Variants in CACNA2D3 observed in about 807,000 individuals in gnomAD.
CACNA2D3 encodes voltage-dependent calcium channel subunit alpha-2/delta-3.
Under a neutral mutation model 160.6 loss-of-function variants are expected in CACNA2D3, and 60 were observed. The observed-to-expected ratio is 0.37, with a 90% CI of 0.30 to 0.46. CACNA2D3 has a LOEUF of 0.46. CACNA2D3 is among the 20% of genes least tolerant of loss of function. The pLI is 1.00. For synonymous variants in CACNA2D3, 558 were observed against 492.9 expected (o/e 1.13, Z -1.75); for missense variants, 1,205 against 1,365.0 (o/e 0.88, Z 1.85).
rs190499173 is a variant in CACNA2D3 at position 54,616,669 on chromosome 3, G to T, written c.964-11118G>T. ...TCAGGATATTGATAAAACAAGATTG[G>T]CTGTGAGTTGATCATTAAAATTTTC... is the stretch of plus-strand genomic sequence containing the variant. On this transcript the variant is annotated intron_variant, in intron 9 of 37. Coordinates refer to ENST00000474759, the MANE Select transcript of CACNA2D3 (RefSeq NM_018398.3). Among the ~76,000 whole-genome samples, 4 of 152,294 alleles carry T rather than the reference G, an allele frequency of 2.6e-5. No homozygotes were observed. The East Asian group carries it at 5.8e-4, about 22-fold the overall frequency.
intron 35 of CACNA2D3, among the ~76,000 whole-genome samples, chr3:55,072,016 G>C (rs965788967): frequency 1.3e-5 from 2 of 152,206 alleles, no homozygotes; most frequent in Non-Finnish European, 2.9e-5. Context: ...CCAACTGCTG[G>C]AGTAACATTC....
chr3:54,805,403 A>G (rs1416152031), intron 13 of CACNA2D3, among the ~76,000 whole-genome samples: 1 of 152,038 alleles, frequency 6.6e-6, no homozygotes, highest in Non-Finnish European at 1.5e-5. Context: ...ACAAACTACC[A>G]TCAGAGAATA....
intron 11 of CACNA2D3, among the ~76,000 whole-genome samples, chr3:54,687,578 G>T (rs539798940): frequency 6.6e-6 from 1 of 152,200 alleles, no homozygotes; most frequent in Non-Finnish European, 1.5e-5. Context: ...CAAAAGTTTT[G>T]AAATAGACTA....
At chr3:55,031,192 G>C (rs543834178) in intron 35 of CACNA2D3, among the ~76,000 whole-genome samples, 2 of 152,316 alleles carry the variant, frequency 1.3e-5, no homozygotes, top group South Asian at 4.1e-4. Context: ...CATTTCTGCG[G>C]TGCATTGTCT....
intron 16 of CACNA2D3, among the ~76,000 whole-genome samples, chr3:54,840,938 G>A (rs1346022773): frequency 6.6e-6 from 1 of 151,210 alleles, no homozygotes; most frequent in Non-Finnish European, 1.5e-5. Context: ...TAGCCAGGAT[G>A]GTCTCGACCT....
chr3:55,050,815 T>C (rs1333776243), intron 35 of CACNA2D3, among the ~76,000 whole-genome samples: 1 of 130,788 alleles, frequency 7.6e-6, no homozygotes, highest in Non-Finnish European at 1.6e-5. Context: ...TTTTATTCTC[T>C]TTTCTCTAAA....
At chr3:54,404,683 G>A (rs1699538836) in intron 4 of CACNA2D3, among the ~76,000 whole-genome samples, 1 of 152,176 alleles carries the variant, frequency 6.6e-6, no homozygotes, top group South Asian at 2.1e-4. Context: ...AACAAAAGAA[G>A]TAAAATTATC....
At chr3:54,263,174 T>G (rs542022525) in intron 2 of CACNA2D3, among the ~76,000 whole-genome samples, 1 of 152,346 alleles carries the variant, frequency 6.6e-6, no homozygotes, top group African/African-American at 2.4e-5. Flanking sequence ...TAATACCTTT[T>G]TTATTAGTTT....
chr3:54,124,552 A>G (rs184226595), intron 2 of CACNA2D3, among the ~76,000 whole-genome samples: 4 of 152,312 alleles, frequency 2.6e-5, no homozygotes, highest in East Asian at 1.9e-4. Flanking sequence ...TTAAAATATG[A>G]TTTTTGGGCC....
At chr3:54,197,427 C>G (rs949593619) in intron 2 of CACNA2D3, 4 of 152,222 alleles carry the variant, frequency 2.6e-5, no homozygotes, top group Admixed American at 2.6e-4. Flanking sequence ...CCTCTCCTTT[C>G]AGTTTTCAGG....
chr3:54,569,261 A>G (rs1702455775), intron 6 of CACNA2D3, among the ~76,000 whole-genome samples: 1 of 152,206 alleles, frequency 6.6e-6, no homozygotes, highest in African/African-American at 2.4e-5. Flanking sequence ...ATTTTATTTC[A>G]TTTCAATGTG....
In CACNA2D3 at chr3:54,763,858, CATATATATATACGTAT is replaced by C. The variant is rs1176038086; in HGVS notation, c.1247-353_1247-338del. ...ATGTATATATATGTACATATATATA[CATATATATATACGTAT>C]ATATATGTATATATATGTATGTGGG... On this transcript the variant is annotated intron_variant, in intron 12 of 37. Transcript: ENST00000474759. Among the ~76,000 whole-genome samples, 4 of 43,010 alleles carry C rather than the reference CATATATATATACGTAT, an allele frequency of 9.3e-5. 1 individual carries two copies. The highest frequency in any genetic ancestry group is 4.5e-4 in the African/African-American group (4 of 8,816). The allele number at this position is 43,010 out of a possible 152,430, so 28.2% of individuals were successfully genotyped here. A position where few individuals can be genotyped will look rare whatever the true frequency, so the allele number is the denominator to read the frequency against.
intron 35 of CACNA2D3, among the ~76,000 whole-genome samples, chr3:55,054,412 C>T (rs892066534): frequency 6.6e-6 from 1 of 151,804 alleles, no homozygotes; most frequent in African/African-American, 2.4e-5. Context: ...TCTTCTGTTG[C>T]ATTCAGTCTG....
chr3:54,736,074 CATATATAT>C (rs1701510275), intron 11 of CACNA2D3, among the ~76,000 whole-genome samples: 14 of 29,492 alleles, frequency 4.7e-4, no homozygotes, highest in Admixed American at 1.5e-3. Context: ...TATATATATA[CATATATAT>C]GTATGTGTAT....
chr3:54,763,627 CTG>C (rs35183007), intron 12 of CACNA2D3, among the ~76,000 whole-genome samples: 546 of 135,170 alleles, frequency 4.0e-3, no homozygotes, highest in African/African-American at 8.4e-3. Context: ...TAAACATATA[CTG>C]TGTGTGTGTG....
intron 3 of CACNA2D3, among the ~76,000 whole-genome samples, chr3:54,351,114 T>C (rs942863563): frequency 6.6e-6 from 1 of 151,260 alleles, no homozygotes; most frequent in African/African-American, 2.4e-5. Flanking sequence ...CTCAAGTAGC[T>C]GGGATTACAG....
chr3:54,653,738 C>T (rs545442634), intron 11 of CACNA2D3, among the ~76,000 whole-genome samples: 6 of 152,306 alleles, frequency 3.9e-5, no homozygotes, highest in Admixed American at 2.0e-4. Flanking sequence ...ATGTCAGGGG[C>T]CCACGACAGA....
rs142542421 is a variant in CACNA2D3, at chr3:54,918,649, C to T, written c.2449+18781C>T. On this transcript the variant is annotated intron_variant, in intron 27 of 37. Transcript: ENST00000474759. ...GATGATGACAGTGGCAATGGCATGA[C>T]GCAGGTTGGCCGGCCTTGGCTTGGG... 30 of 1,614,068 alleles carry T rather than the reference C, an allele frequency of 1.9e-5. No individual in the cohort carries two copies. Among genetic ancestry groups the T allele is most frequent in the Admixed American group, 1.7e-4 (10 of 60,010 alleles).
intron 4 of CACNA2D3, among the ~76,000 whole-genome samples, chr3:54,483,476 G>C (rs966269372): frequency 6.6e-6 from 1 of 152,148 alleles, no homozygotes; most frequent in South Asian, 2.1e-4. Context: ...GCAGTTCCCC[G>C]ATCTGTATTG....
Sources: allele counts gnomAD v4.1 joint callset (sites outside exome capture counted in the v4.1 genomes callset), GRCh38; gene constraint gnomAD v4.1.1; transcripts MANE v1.5; gene names NCBI Gene and HGNC (gene_info 2026-07-23, HGNC 2026-07-21).